CTNNA3: variants seen among roughly 807,000 people sequenced by gnomAD.
CTNNA3 encodes catenin alpha-3.
A neutral mutation model predicts 95.7 loss-of-function variants in CTNNA3; 76 were observed. That is an observed-to-expected ratio of 0.79 (90% CI 0.66 to 0.96). CTNNA3 has a LOEUF of 0.96. Ranked by LOEUF, CTNNA3 falls within the 40% of genes least tolerant of loss-of-function variation. The probability of loss-of-function intolerance (pLI) is 0.00; values close to 1 mark genes in which losing one functional copy is unlikely to be tolerated. For missense variants in CTNNA3, 1,191 were observed against 1,089.8 expected (o/e 1.09, Z -1.31); for synonymous variants, 431 against 374.4 (o/e 1.15, Z -1.74).
rs117790107 is a variant in CTNNA3, at chr10:67,738,684, C to A, written c.-2+24750G>T. 0.033 allele frequency among the ~76,000 whole-genome samples: 5,012 copies of A among 151,264 alleles called. 592 individuals are homozygous for A. In the East Asian group the frequency reaches 0.44, roughly 13 times the overall value. ...CGAACCCATGACAAAGAAGTTAAAA[C>A]CTTGAAAAAAAAAAAATTAGACGAA... On this transcript the variant is annotated intron_variant, in intron 1 of 17. Coordinates refer to the CTNNA3 transcript ENST00000684154.
At chr10:66,009,558 C>G (rs1214702185) in intron 15 of CTNNA3, among the ~76,000 whole-genome samples, 1 of 152,158 alleles carries the variant, frequency 6.6e-6, no homozygotes, top group Non-Finnish European at 1.5e-5. Flanking sequence ...TCTTTTCACT[C>G]TCGAAAAGAA....
At chr10:66,922,088 T>C (rs910375926) in intron 7 of CTNNA3, among the ~76,000 whole-genome samples, 1 of 152,194 alleles carries the variant, frequency 6.6e-6, no homozygotes, top group Non-Finnish European at 1.5e-5. Flanking sequence ...AAACAAAATA[T>C]GTTTAGCTAT....
intron 9 of CTNNA3, among the ~76,000 whole-genome samples, chr10:66,689,643 A>T (rs555353491): frequency 3.9e-5 from 6 of 152,326 alleles, no homozygotes; most frequent in African/African-American, 1.2e-4. Context: ...TGATATCTCA[A>T]AGCTCTTTGA....
chr10:65,955,711 A>G (rs1419223634), intron 17 of CTNNA3, among the ~76,000 whole-genome samples: 1 of 152,062 alleles, frequency 6.6e-6, no homozygotes, highest in Admixed American at 6.5e-5. Flanking sequence ...CATATGTTGA[A>G]CCAGCGTTTC....
chr10:67,763,566 G>C (rs1349024330), exon 1 of CTNNA3, among the ~76,000 whole-genome samples: 3 of 152,170 alleles, frequency 2.0e-5, no homozygotes, highest in South Asian at 2.1e-4. Flanking sequence ...CTAGTAAAAG[G>C]CCTTCTGTTA....
chr10:66,462,338 C>A (rs760466233), intron 11 of CTNNA3, among the ~76,000 whole-genome samples: 1 of 151,970 alleles, frequency 6.6e-6, no homozygotes, highest in Non-Finnish European at 1.5e-5. Context: ...TTTGCTTTTT[C>A]TTGGAAGCAC....
intron 7 of CTNNA3, among the ~76,000 whole-genome samples, chr10:66,888,594 G>A (rs1307483079): frequency 1.3e-5 from 2 of 151,802 alleles, no homozygotes; most frequent in African/African-American, 2.4e-5. Flanking sequence ...TATTAAGGAG[G>A]AAAATGATTT....
chr10:67,013,659 G>C (rs1004901993), intron 7 of CTNNA3, among the ~76,000 whole-genome samples: 2 of 152,116 alleles, frequency 1.3e-5, no homozygotes, highest in African/African-American at 4.8e-5. Flanking sequence ...ATACCATACA[G>C]TTAAATCTGA....
intron 1 of CTNNA3, among the ~76,000 whole-genome samples, chr10:67,712,350 C>T (rs1364780865): frequency 6.6e-6 from 1 of 151,870 alleles, no homozygotes; most frequent in East Asian, 1.9e-4. Context: ...TAATGAGGAG[C>T]CAAGTGTTAA....
chr10:67,526,300 A>G (rs1050867728), intron 4 of CTNNA3, among the ~76,000 whole-genome samples: 2 of 151,932 alleles, frequency 1.3e-5, no homozygotes, highest in Non-Finnish European at 2.9e-5. Context: ...AATAAAAAGA[A>G]GTTTACAACT....
At chr10:67,531,090 T>A (rs1022081078) in intron 4 of CTNNA3, among the ~76,000 whole-genome samples, 1 of 152,222 alleles carries the variant, frequency 6.6e-6, no homozygotes, top group African/African-American at 2.4e-5. Flanking sequence ...AGAAGTTTGC[T>A]GCAGGGGCAG....
At chr10:66,312,895 G>A (rs1235075631) in intron 12 of CTNNA3, among the ~76,000 whole-genome samples, 2 of 152,114 alleles carry the variant, frequency 1.3e-5, no homozygotes, top group Non-Finnish European at 2.9e-5. Flanking sequence ...AAGAAAGAAG[G>A]GGAAAGAACT....
intron 10 of CTNNA3, among the ~76,000 whole-genome samples, chr10:66,582,937 C>T (rs556619753): frequency 3.8e-4 from 57 of 151,884 alleles, no homozygotes; most frequent in African/African-American, 1.4e-3. Context: ...TGATGAATCA[C>T]ATTTATTCCC....
chr10:65,996,521 G>A (rs577826521), intron 15 of CTNNA3, among the ~76,000 whole-genome samples: 1 of 152,252 alleles, frequency 6.6e-6, no homozygotes, highest in East Asian at 1.9e-4. Context: ...AATGCAGTCT[G>A]GTTTGGGCCA....
chr10:66,777,236 C>A (rs1163968210), intron 7 of CTNNA3, among the ~76,000 whole-genome samples: 1 of 152,118 alleles, frequency 6.6e-6, no homozygotes, highest in South Asian at 2.1e-4. Flanking sequence ...AAATTCAATA[C>A]CAAATCTGGC....
intron 5 of CTNNA3, among the ~76,000 whole-genome samples, chr10:67,398,817 G>A (rs1844811222): frequency 6.6e-6 from 1 of 151,994 alleles, no homozygotes; most frequent in African/African-American, 2.4e-5. Context: ...TTTTATAAGG[G>A]GCTTTTCCCC....
intron 13 of CTNNA3, among the ~76,000 whole-genome samples, chr10:66,146,377 A>G (rs978587577): frequency 6.6e-6 from 1 of 152,154 alleles, no homozygotes; most frequent in African/African-American, 2.4e-5. Flanking sequence ...TGAGTAATAG[A>G]TACTTTATTT....
chr10:66,869,280 C>T (rs1011322184), intron 7 of CTNNA3, among the ~76,000 whole-genome samples: 12 of 151,980 alleles, frequency 7.9e-5, no homozygotes, highest in Non-Finnish European at 1.3e-4. Flanking sequence ...GTGATGAGAC[C>T]GGATATAGTT....
chr10:67,386,241 G>A (rs1212340658), intron 5 of CTNNA3, among the ~76,000 whole-genome samples: 2 of 152,332 alleles, frequency 1.3e-5, no homozygotes, highest in East Asian at 1.9e-4. Context: ...ACAGTCTGAC[G>A]AAAGCATAAG....
Sources: allele counts gnomAD v4.1 joint callset (sites outside exome capture counted in the v4.1 genomes callset), GRCh38; gene constraint gnomAD v4.1.1; transcripts MANE v1.5; gene names NCBI Gene and HGNC (gene_info 2026-07-23, HGNC 2026-07-21).